The following AFG2A variants were observed in gnomAD, a reference collection of about 807,000 sequenced individuals.
AFG2A encodes the protein ATPase family gene 2 protein homolog A.
the AFG2A span, among the ~76,000 whole-genome samples, chr4:123,084,945 A>T: frequency 0.1 from 15,934 of 152,016 alleles, 936 homozygotes; most frequent in Middle Eastern, 0.2. Context: ...AATATTTTAA[A>T]ATTTCTCTTG....
chr4:122,968,280 T>A, the AFG2A span, among the ~76,000 whole-genome samples: 31 of 152,336 alleles, frequency 2.0e-4, no homozygotes, highest in African/African-American at 5.1e-4. Flanking sequence ...CATACTTTTT[T>A]AAAATAAACT....
At chr4:123,255,259 G>A in the AFG2A span, among the ~76,000 whole-genome samples, 59 of 151,166 alleles carry the variant, frequency 3.9e-4, no homozygotes, top group South Asian at 7.6e-3. Flanking sequence ...CGTGGCTCAC[G>A]CCTGTAATCC....
At chr4:123,036,095 T>C in the AFG2A span, among the ~76,000 whole-genome samples, 2 of 152,156 alleles carry the variant, frequency 1.3e-5, no homozygotes, top group African/African-American at 2.4e-5. Flanking sequence ...AGTTTTACAA[T>C]TGGAATAGCA....
chr4:123,205,138 T>C, the AFG2A span, among the ~76,000 whole-genome samples: 1 of 152,184 alleles, frequency 6.6e-6, no homozygotes, highest in Non-Finnish European at 1.5e-5. Context: ...AATATTTGCT[T>C]TGTATTTTTT....
chr4:123,112,789 C>T, the AFG2A span, among the ~76,000 whole-genome samples: 1 of 151,936 alleles, frequency 6.6e-6, no homozygotes, highest in South Asian at 2.1e-4. Context: ...TTCCTATGTG[C>T]TTTCTTTTCT....
the AFG2A span, among the ~76,000 whole-genome samples, chr4:122,970,768 A>C: frequency 6.6e-6 from 1 of 152,090 alleles, no homozygotes; most frequent in Admixed American, 6.5e-5. Flanking sequence ...ACAAAATCGC[A>C]TAAAGACACA....
At chr4:123,200,400 A>G in the AFG2A span, among the ~76,000 whole-genome samples, 1 of 152,220 alleles carries the variant, frequency 6.6e-6, no homozygotes, top group African/African-American at 2.4e-5. Context: ...AGCGAATTTT[A>G]TATTCAAAAG....
chr4:123,308,450 G>A, the AFG2A span, among the ~76,000 whole-genome samples: 13 of 152,286 alleles, frequency 8.5e-5, no homozygotes, highest in East Asian at 1.2e-3. Flanking sequence ...GGGCAAGTGA[G>A]CATTACCACC....
the AFG2A span, among the ~76,000 whole-genome samples, chr4:123,164,272 G>T: frequency 2.0e-5 from 3 of 152,128 alleles, no homozygotes; most frequent in African/African-American, 7.2e-5. Context: ...TGTATTTTGA[G>T]TTATTTTCTA....
chr4:123,311,971 G>C, the AFG2A span, among the ~76,000 whole-genome samples: 1 of 152,244 alleles, frequency 6.6e-6, no homozygotes, highest in South Asian at 2.1e-4. Flanking sequence ...ACCCAGAAAC[G>C]TTGAGAGGTT....
the AFG2A span, among the ~76,000 whole-genome samples, chr4:123,291,162 A>G: frequency 2.0e-5 from 3 of 152,134 alleles, no homozygotes; most frequent in East Asian, 3.9e-4. Flanking sequence ...ATTTGCATGG[A>G]ATATTTTTTT....
chr4:123,255,439 G>A, the AFG2A span, among the ~76,000 whole-genome samples: 1 of 151,418 alleles, frequency 6.6e-6, no homozygotes, highest in African/African-American at 2.4e-5. Context: ...ATCTTGCAGT[G>A]AGCTGAGACT....
chr4:123,266,193 C>G, the AFG2A span, among the ~76,000 whole-genome samples: 441 of 152,022 alleles, frequency 2.9e-3, 2 homozygotes, highest in African/African-American at 9.6e-3. Flanking sequence ...ACTCTTTTTA[C>G]TATATGAAAT....
chr4:123,275,371 T>G, the AFG2A span, among the ~76,000 whole-genome samples: 3 of 152,258 alleles, frequency 2.0e-5, 1 homozygote, highest in Admixed American at 2.0e-4. Flanking sequence ...TACAAAAAAT[T>G]TTTTTATGAC....
At chr4:123,046,234 G>T in the AFG2A span, among the ~76,000 whole-genome samples, 8 of 151,974 alleles carry the variant, frequency 5.3e-5, no homozygotes, top group Admixed American at 2.6e-4. Flanking sequence ...TATTTGTACT[G>T]ATGTCTCAGT....
the AFG2A span, among the ~76,000 whole-genome samples, chr4:122,989,336 G>T: frequency 6.6e-6 from 1 of 152,140 alleles, no homozygotes; most frequent in Non-Finnish European, 1.5e-5. Context: ...TTGGTTTGTT[G>T]TCTGGGTCAG....
chr4:123,237,312 G>A, the AFG2A span, among the ~76,000 whole-genome samples: 2 of 152,128 alleles, frequency 1.3e-5, no homozygotes, highest in Non-Finnish European at 2.9e-5. Flanking sequence ...TGCCTCAAAG[G>A]TGCTGTTAGA....
At chr4:123,170,690 AT>A in the AFG2A span, among the ~76,000 whole-genome samples, 10 of 152,298 alleles carry the variant, frequency 6.6e-5, no homozygotes, top group African/African-American at 2.4e-4. Flanking sequence ...ATTTAGTCTG[AT>A]TTATTAGCAT....
chr4:123,070,925 T>C, the AFG2A span, among the ~76,000 whole-genome samples: 7 of 152,338 alleles, frequency 4.6e-5, no homozygotes, highest in South Asian at 1.5e-3. Context: ...ACGATTACTA[T>C]AGATTTTTAT....
Sources: gnomAD v4.1 joint callset for allele counts (sites outside exome capture counted in the v4.1 genomes callset) on GRCh38, gnomAD v4.1.1 for gene constraint, MANE v1.5 for transcripts, NCBI Gene and HGNC (gene_info 2026-07-23, HGNC 2026-07-21) for gene names.